PLCZ1: variants seen among roughly 807,000 people sequenced by gnomAD.
The protein encoded by PLCZ1 is 1-phosphatidylinositol 4,5-bisphosphate phosphodiesterase zeta-1.
Under a neutral mutation model 76.8 loss-of-function variants are expected in PLCZ1, and 64 were observed. That is an observed-to-expected ratio of 0.83 (90% CI 0.68 to 1.03). The LOEUF (loss-of-function observed/expected upper bound fraction) is 1.03, where lower values mean the gene tolerates loss of function less well. PLCZ1 is among the 50% of genes least tolerant of loss of function. The pLI, the probability that PLCZ1 is intolerant of heterozygous loss-of-function variation, is 0.00. For missense variants in PLCZ1, 751 were observed against 713.7 expected, an observed-to-expected ratio of 1.05 and a Z score of -0.60; for synonymous variants, 248 against 230.8, an observed-to-expected ratio of 1.07 and a Z score of -0.68.
Position 18,737,374 on chromosome 12 carries a change from T to C in PLCZ1, c.-3A>G. The C allele has an allele frequency of 6.2e-7, 1 of 1,613,814 alleles. No homozygotes were observed. Among genetic ancestry groups the C allele is most frequent in the Admixed American group, 1.7e-5 (1 of 59,992 alleles). Reference sequence around the variant, plus strand: ...CTCAATGGATATCTCATTTCCATAGTTTCATGACCTGTAGAGCCGTTTCTC... The same window carrying C: ...CTCAATGGATATCTCATTTCCATAGCTTCATGACCTGTAGAGCCGTTTCTC... On this transcript the variant is annotated 5_prime_UTR_variant, in exon 2 of 15. Transcript: ENST00000266505.
intron 14 of PLCZ1, 58 bp from the exon 15 acceptor site, chr12:18,683,382 A>G (rs1952620986): frequency 1.3e-6 from 2 of 1,557,132 alleles, no homozygotes; most frequent in East Asian, 2.3e-5. Flanking sequence ...GGTGTCTCCA[A>G]TAGCCTTGCT....
At chr12:18,671,638 A>G in the PLCZ1 span, among the ~76,000 whole-genome samples, 1 of 152,310 alleles carries the variant, frequency 6.6e-6, no homozygotes, top group African/African-American at 2.4e-5. Flanking sequence ...AGTGGCTACT[A>G]TATTGGATAT....
chr12:18,679,722 C>T (rs1446399951), downstream of PLCZ1, among the ~76,000 whole-genome samples: 1 of 152,000 alleles, frequency 6.6e-6, no homozygotes, highest in African/African-American at 2.4e-5. Flanking sequence ...AGAAAAAAGA[C>T]TGCCCTGCGA....
chr12:18,677,084 G>T, the PLCZ1 span, among the ~76,000 whole-genome samples: 1 of 152,222 alleles, frequency 6.6e-6, no homozygotes, highest in African/African-American at 2.4e-5. Flanking sequence ...TACCAGGGAA[G>T]AAAGCTCTGT....
At chr12:18,650,706 A>ATATC in the PLCZ1 span, among the ~76,000 whole-genome samples, 6 of 8,368 alleles carry the variant, frequency 7.2e-4, no homozygotes, top group East Asian at 4.2e-3. Flanking sequence ...GTGTGTGTGT[A>ATATC]TATATCTATA....
chr12:18,673,745 G>C, the PLCZ1 span, among the ~76,000 whole-genome samples: 4 of 152,108 alleles, frequency 2.6e-5, no homozygotes, highest in African/African-American at 9.7e-5. Flanking sequence ...TCTCATCAGG[G>C]GAAGGATCCA....
intron 4 of PLCZ1, among the ~76,000 whole-genome samples, chr12:18,723,083 G>C (rs764949062): frequency 3.8e-4 from 57 of 151,928 alleles, no homozygotes; most frequent in Non-Finnish European, 7.1e-4. Context: ...GCAGTTAAAA[G>C]AAAGGAGCTG....
In PLCZ1 at chr12:18,699,925, G is replaced by T; in HGVS notation, c.1043C>A (p.Ala348Asp). The T allele has an allele frequency of 1.9e-6, 3 of 1,611,320 alleles. No homozygotes were observed. Among genetic ancestry groups the T allele is most frequent in the South Asian group, 1.1e-5 (1 of 90,766 alleles). Residue 348 changes from alanine (A) to aspartate (D), a missense_variant, in exon 10 of 15, where the codon GCC (alanine) becomes GAC (aspartate). Coordinates refer to ENST00000266505, the MANE Select transcript of PLCZ1 (RefSeq NM_033123.4). ...CGTATAAATGACAAGATCAGATAAGGCCAGAGCAATTTTTAGCTTCCTGGT... is the reference window on the plus strand; with the variant it reads ...CGTATAAATGACAAGATCAGATAAGTCCAGAGCAATTTTTAGCTTCCTGGT... ...KKTRKLKIAL[A>D]LSDLVIYTKA...
At chr12:18,651,844 A>G in the PLCZ1 span, among the ~76,000 whole-genome samples, 44 of 152,182 alleles carry the variant, frequency 2.9e-4, no homozygotes, top group Non-Finnish European at 1.0e-4. Flanking sequence ...AGGCAACCAC[A>G]GGGCAGGATG....
intron 6 of PLCZ1, among the ~76,000 whole-genome samples, chr12:18,710,130 T>C (rs1231856862): frequency 1.3e-5 from 2 of 150,410 alleles, no homozygotes; most frequent in Non-Finnish European, 3.0e-5. Flanking sequence ...CTTTTCTTCC[T>C]ATTGGAAATA....
chr12:18,728,784 AG>A, intron 3 of PLCZ1, among the ~76,000 whole-genome samples: 1 of 152,286 alleles, frequency 6.6e-6, no homozygotes, highest in Non-Finnish European at 1.5e-5. Context: ...AGAAATGTAA[AG>A]GATTCTTTTG....
downstream of PLCZ1, among the ~76,000 whole-genome samples, chr12:18,678,910 A>G (rs893535421): frequency 2.0e-5 from 3 of 152,066 alleles, no homozygotes; most frequent in Admixed American, 1.3e-4. Flanking sequence ...TTTGTAAGAA[A>G]TGGTCAAACT....
At chr12:18,657,007 A>G in the PLCZ1 span, among the ~76,000 whole-genome samples, 1 of 152,142 alleles carries the variant, frequency 6.6e-6, no homozygotes, top group Admixed American at 6.6e-5. Flanking sequence ...GACAGAGAGT[A>G]AAATAGATCT....
chr12:18,737,802 C>G, intron 1 of PLCZ1, 130 bp downstream of exon 1: 1 of 313,330 alleles, frequency 3.2e-6, no homozygotes. Flanking sequence ...TGGGTTTGGG[C>G]AGCTACTCTG....
intron 9 of PLCZ1, among the ~76,000 whole-genome samples, chr12:18,701,297 T>C (rs1437898315): frequency 2.6e-5 from 4 of 152,038 alleles, no homozygotes; most frequent in Non-Finnish European, 4.4e-5. Context: ...GAGAAAAAAA[T>C]GTTTAAGCAG....
At chr12:18,700,512 CAAA>C (rs11324526) in intron 9 of PLCZ1, among the ~76,000 whole-genome samples, 3 of 67,900 alleles carry the variant, frequency 4.4e-5, no homozygotes, top group East Asian at 5.4e-4. Context: ...AGCCAACGTA[CAAA>C]AAAAAAAAAA....
intron 12 of PLCZ1, among the ~76,000 whole-genome samples, chr12:18,688,973 GGGAA>G (rs1953628796): frequency 6.6e-6 from 1 of 151,816 alleles, no homozygotes. Context: ...AAGGAAAAGA[GGGAA>G]GGAAGGAGGG....
rs1959232559 is a variant in PLCZ1 at position 18,736,239 on chromosome 12, A to G, written c.117T>C (p.His39=). 6 of 1,612,830 alleles carry G rather than the reference A, an allele frequency of 3.7e-6. No homozygotes were observed. The highest frequency in any genetic ancestry group is 4.2e-6 in the Non-Finnish European group (5 of 1,179,214). The change falls in exon 3 of 15, where the codon CAT becomes CAC. Residue 39 remains histidine (H), a synonymous_variant. Coordinates refer to ENST00000266505, the MANE Select transcript of PLCZ1 (RefSeq NM_033123.4). ...ATCTTACCTTAAAAATCTGTTTCAC[A>G]TGAATATAACTGCACCGAATATCTA... is the stretch of plus-strand genomic sequence containing the variant. ...EKLDIRCSYI[H]VKQIFKDNDR...
At chr12:18,679,169 C>T (rs1196214213), downstream of PLCZ1, among the ~76,000 whole-genome samples, 1 of 151,946 alleles carries the variant, frequency 6.6e-6, no homozygotes, top group Non-Finnish European at 1.5e-5. Context: ...ATTTTTCTTA[C>T]TGGGTTGTCA....
Sources: allele counts gnomAD v4.1 joint callset (sites outside exome capture counted in the v4.1 genomes callset), GRCh38; gene constraint gnomAD v4.1.1; transcripts MANE v1.5; gene names NCBI Gene and HGNC (gene_info 2026-07-23, HGNC 2026-07-21).